Variants in NBAS observed in about 807,000 individuals in gnomAD.
The protein encoded by NBAS is NAG/BC035112 fusion.
In NBAS, 219 loss-of-function variants were observed where a neutral mutation model predicts 302.5. The observed-to-expected ratio is 0.72, with a 90% CI of 0.65 to 0.81. The LOEUF is 0.81. Ranked by LOEUF, NBAS falls within the 30% of genes least tolerant of loss-of-function variation. The probability of loss-of-function intolerance (pLI) is 0.00; values close to 1 mark genes in which losing one functional copy is unlikely to be tolerated. For missense variants in NBAS, 2,932 were observed against 2,841.6 expected (o/e 1.03, Z -0.72); for synonymous variants, 1,118 against 1,021.6 (o/e 1.09, Z -1.80).
At chr2:14,843,582 A>ACACACAC in the NBAS span, among the ~76,000 whole-genome samples, 1,199 of 150,886 alleles carry the variant, frequency 7.9e-3, 20 homozygotes, top group African/African-American at 0.027. Flanking sequence ...ACACACACAC[A>ACACACAC]AAAATACCTT....
the NBAS span, among the ~76,000 whole-genome samples, chr2:14,848,625 G>C: frequency 7.2e-6 from 1 of 139,856 alleles, no homozygotes; most frequent in Admixed American, 6.7e-5. Context: ...CTGGGGGCAG[G>C]GCACAGACAA....
chr2:15,279,695 A>G (rs1359058681), intron 42 of NBAS, among the ~76,000 whole-genome samples: 1 of 152,184 alleles, frequency 6.6e-6, no homozygotes, highest in Admixed American at 6.5e-5. Context: ...TTACCCAATT[A>G]TCTTGTCAAG....
At chr2:15,170,057 G>A (rs555698896) in intron 51 of NBAS, among the ~76,000 whole-genome samples, 1 of 152,314 alleles carries the variant, frequency 6.6e-6, no homozygotes, top group South Asian at 2.1e-4. Flanking sequence ...TTTCTTTGTT[G>A]CCCTGAATAC....
At chr2:14,996,221 T>C in the NBAS span, among the ~76,000 whole-genome samples, 1 of 152,220 alleles carries the variant, frequency 6.6e-6, no homozygotes, top group African/African-American at 2.4e-5. Flanking sequence ...ATAAGGACAG[T>C]AGCCACTAAT....
chr2:14,884,183 GTAGT>G, the NBAS span, among the ~76,000 whole-genome samples: 1 of 151,990 alleles, frequency 6.6e-6, no homozygotes, highest in East Asian at 1.9e-4. Context: ...CATTTTGAGC[GTAGT>G]TAATGTGCTG....
chr2:15,474,491 T>C (rs548901723), intron 14 of NBAS, among the ~76,000 whole-genome samples, 167 bp from the exon 15 acceptor site: 13 of 152,342 alleles, frequency 8.5e-5, no homozygotes, highest in African/African-American at 2.9e-4. Context: ...GCAAGCATTA[T>C]ATACATCAGA....
intron 26 of NBAS, 39 bp downstream of exon 26, chr2:15,402,128 TA>T: frequency 6.2e-7 from 1 of 1,611,794 alleles, no homozygotes; most frequent in Non-Finnish European, 8.5e-7. Flanking sequence ...ACTGTTAGAA[TA>T]AAAAAACACA....
Position 15,246,387 on chromosome 2 carries a change from C to T in NBAS, c.5725-7701G>A, listed in dbSNP as rs528538044. On this transcript the variant is annotated intron_variant, in intron 44 of 51. Transcript: ENST00000281513. ...GATAGAAACTGTGCTTTTAAAATCTCTGTATCCCTAGACCTAACATAATGT... is the reference window on the plus strand; with the variant it reads ...GATAGAAACTGTGCTTTTAAAATCTTTGTATCCCTAGACCTAACATAATGT... Among the ~76,000 whole-genome samples the T allele has an allele frequency of 5.3e-5, 8 of 152,334 alleles. No homozygotes were observed. The East Asian group carries it at 1.5e-3, about 29-fold the overall frequency.
At chr2:15,487,274 T>G (rs937472930) in intron 12 of NBAS, among the ~76,000 whole-genome samples, 1 of 152,188 alleles carries the variant, frequency 6.6e-6, no homozygotes, top group Non-Finnish European at 1.5e-5. Flanking sequence ...AAGTATCTTT[T>G]GGATCAATGA....
chr2:15,544,646 C>T (rs1365427233), intron 6 of NBAS, among the ~76,000 whole-genome samples: 1 of 152,070 alleles, frequency 6.6e-6, no homozygotes, highest in African/African-American at 2.4e-5. Context: ...AAGAAAGAAA[C>T]ACACCTTCTA....
intron 42 of NBAS, among the ~76,000 whole-genome samples, chr2:15,280,831 A>G (rs1669793703): frequency 1.3e-5 from 2 of 152,168 alleles, no homozygotes; most frequent in Admixed American, 1.3e-4. Context: ...CTACCCTCCA[A>G]ATCACAACTG....
chr2:15,196,375 C>G (rs4668437), intron 48 of NBAS, among the ~76,000 whole-genome samples: 1 of 151,906 alleles, frequency 6.6e-6, no homozygotes, highest in Non-Finnish European at 1.5e-5. Flanking sequence ...TGTCAATATC[C>G]CGGTTGGATA....
the NBAS span, among the ~76,000 whole-genome samples, chr2:15,048,164 G>T: frequency 6.6e-6 from 1 of 152,222 alleles, no homozygotes. Flanking sequence ...CAGCCCTAGA[G>T]GCAGGGAGAG....
At position 15,276,847 on chromosome 2, in the gene NBAS, C is replaced by T. The variant is rs1572573159; in HGVS notation, c.5389+4G>A. 6.2e-7 allele frequency: 1 copy of T among 1,614,014 alleles called. No homozygotes were observed. The highest frequency in any genetic ancestry group is 8.5e-7 in the Non-Finnish European group (1 of 1,179,912). On this transcript the variant is annotated splice_donor_region_variant and intron_variant, in intron 43 of 51. Transcript: ENST00000281513. Reference sequence around the variant, plus strand: ...GAATTCAAGCAGGGAAACAACCATCCTACCTGATGCAACAACCTTAAACTT... The same window carrying T: ...GAATTCAAGCAGGGAAACAACCATCTTACCTGATGCAACAACCTTAAACTT...
chr2:14,905,973 G>C, the NBAS span, among the ~76,000 whole-genome samples: 1 of 152,208 alleles, frequency 6.6e-6, no homozygotes, highest in Non-Finnish European at 1.5e-5. Context: ...GAGTACGCTT[G>C]TCTGTACAAT....
At chr2:14,835,309 ATATATT>A in the NBAS span, among the ~76,000 whole-genome samples, 3 of 152,032 alleles carry the variant, frequency 2.0e-5, no homozygotes, top group Non-Finnish European at 4.4e-5. Context: ...GGTATTTTGA[ATATATT>A]TGTGAAATAT....
At chr2:14,985,508 A>G in the NBAS span, among the ~76,000 whole-genome samples, 13 of 152,236 alleles carry the variant, frequency 8.5e-5, no homozygotes, top group Admixed American at 2.0e-4. Context: ...CAGACAACTA[A>G]ATAGCTGAGA....
At chr2:15,322,340 A>T (rs1260932266) in intron 38 of NBAS, among the ~76,000 whole-genome samples, 1 of 152,138 alleles carries the variant, frequency 6.6e-6, no homozygotes, top group African/African-American at 2.4e-5. Flanking sequence ...ATACATATGT[A>T]ACAAACCTGC....
In NBAS at chr2:15,556,785, G is replaced by C; in HGVS notation, c.207C>G (p.Tyr69Ter). The change falls in exon 3 of 52, where the codon TAC (tyrosine) becomes TAG (stop). Residue 69 changes from tyrosine (Y) to a stop codon, truncating the protein, a stop_gained and splice_region_variant. Coordinates refer to ENST00000281513, the MANE Select transcript of NBAS (RefSeq NM_015909.4). LOFTEE classifies it high-confidence loss of function. ...TCTCTGAAGAACCGAAGACTCACCT[G>C]TACCAGATGTATTGGCGTAAAAATA... The part of the protein sequence containing the change: ...RLLFLRQYIW[Y>*]SPAPFLLPDG... 6.2e-7 allele frequency: 1 copy of C among 1,609,670 alleles called. No homozygotes were observed. Among genetic ancestry groups the C allele is most frequent in the Non-Finnish European group, 8.5e-7 (1 of 1,176,320 alleles).
Sources: gnomAD v4.1 joint callset for allele counts (sites outside exome capture counted in the v4.1 genomes callset) on GRCh38, gnomAD v4.1.1 for gene constraint, MANE v1.5 for transcripts, NCBI Gene and HGNC (gene_info 2026-07-23, HGNC 2026-07-21) for gene names.